Variants in MORC1 observed in about 807,000 individuals in gnomAD.
MORC1 encodes the protein MORC family CW-type zinc finger protein 1.
Under a neutral mutation model 134.9 loss-of-function variants are expected in MORC1, and 59 were observed. The observed-to-expected ratio is 0.44, with a 90% CI of 0.35 to 0.54. The LOEUF is 0.54. MORC1 is among the 20% of genes least tolerant of loss of function. The pLI, the probability that MORC1 is intolerant of heterozygous loss-of-function variation, is 0.00. For missense variants in MORC1, 947 were observed against 1,134.5 expected (o/e 0.83, Z 2.37); for synonymous variants, 395 against 391.7 (o/e 1.01, Z -0.10).
At chr3:109,072,950 CACACACACACACACAT>C (rs1419970579) in intron 8 of MORC1, among the ~76,000 whole-genome samples, 6 of 57,266 alleles carry the variant, frequency 1.0e-4, no homozygotes, top group Admixed American at 5.0e-4. Flanking sequence ...CACACACACA[CACACACACACACACAT>C]ACACACACAC....
At chr3:109,057,879 T>C (rs1205613114) in intron 12 of MORC1, among the ~76,000 whole-genome samples, 1 of 152,212 alleles carries the variant, frequency 6.6e-6, no homozygotes, top group Non-Finnish European at 1.5e-5. Flanking sequence ...CAGCATGTTC[T>C]CAAGTCTCCA....
chr3:109,073,938 A>C (rs1292643391), intron 8 of MORC1, among the ~76,000 whole-genome samples: 1 of 152,222 alleles, frequency 6.6e-6, no homozygotes. Flanking sequence ...TAAGCTACAC[A>C]AAGTAATGAA....
intron 14 of MORC1, among the ~76,000 whole-genome samples, chr3:109,037,349 CTCT>C (rs1481730057): frequency 6.6e-6 from 1 of 152,334 alleles, no homozygotes; most frequent in East Asian, 1.9e-4. Flanking sequence ...TCATCTCATA[CTCT>C]TCTTCTCTGT....
Position 109,027,853 on chromosome 3 carries a change from C to T in MORC1, c.1602G>A (p.Leu534=), listed in dbSNP as rs759965517. 4.3e-6 allele frequency: 7 copies of T among 1,613,584 alleles called. 1 individual carries two copies. The South Asian group carries it at 5.5e-5, about 13-fold the overall frequency. Residue 534 remains leucine (L), a synonymous_variant, in exon 17 of 28, where the codon CTG becomes CTA. Transcript: ENST00000232603. ...ATGGTGATATTGTGCTCATGGTGCC[C>T]AGTGGGATGGAAGGTAGACATTCTA... ...HQVECLPSIP[L]GTMSTISPSK...
In MORC1 at chr3:109,103,892, T is replaced by C; in HGVS notation, c.180A>G (p.Gly60=). 6.2e-7 allele frequency: 1 copy of C among 1,613,952 alleles called. No homozygotes were observed. The highest frequency in any genetic ancestry group is 8.5e-7 in the Non-Finnish European group (1 of 1,179,912). ...FSVDNEKLQG[G]FMLCFLDDGC... is the part of the protein sequence containing the mutation. ...CATCATCCAGGAAACACAACATGAA[T>C]CCCCCCTGCAGTTTTTCATTATCCA... The change falls in exon 4 of 28, where the codon GGA becomes GGG. Residue 60 remains glycine, a synonymous_variant. Coordinates refer to ENST00000232603, the MANE Select transcript of MORC1 (RefSeq NM_014429.4).
chr3:109,034,053 C>T (rs1206378663), intron 15 of MORC1, among the ~76,000 whole-genome samples: 1 of 152,070 alleles, frequency 6.6e-6, no homozygotes, highest in Non-Finnish European at 1.5e-5. Context: ...CTCAATTATA[C>T]CTTCTAAGTA....
chr3:108,996,282 G>GCACACACA (rs71625232), intron 21 of MORC1, among the ~76,000 whole-genome samples: 1 of 48,708 alleles, frequency 2.1e-5, no homozygotes, highest in Admixed American at 1.6e-4. Flanking sequence ...GCGTGCGCGC[G>GCACACACA]CGCGCACACA....
intron 21 of MORC1, among the ~76,000 whole-genome samples, chr3:108,994,023 A>G (rs1948133779): frequency 6.6e-6 from 1 of 152,104 alleles, no homozygotes; most frequent in African/African-American, 2.4e-5. Flanking sequence ...TTCAGAGTGC[A>G]CTGATGCTTT....
chr3:109,116,243 A>G (rs1316143081), intron 1 of MORC1, among the ~76,000 whole-genome samples: 1 of 152,164 alleles, frequency 6.6e-6, no homozygotes, highest in African/African-American at 2.4e-5. Context: ...GCAGCTTTCC[A>G]GGAAAATGGA....
intron 15 of MORC1, 61 bp downstream of exon 15, chr3:109,035,279 A>G: frequency 6.9e-7 from 1 of 1,452,510 alleles, no homozygotes; most frequent in Non-Finnish European, 9.4e-7. Flanking sequence ...TTCTTAACAC[A>G]ATGACTTGCA....
intron 21 of MORC1, among the ~76,000 whole-genome samples, chr3:108,988,976 T>C (rs6796914): frequency 0.052 from 7,842 of 152,238 alleles, 464 homozygotes; most frequent in African/African-American, 0.14. Context: ...TTTCTTTTAT[T>C]TTCCTTTGCT....
At chr3:108,971,516 T>C (rs1430328271) in intron 24 of MORC1, 114 bp from the exon 25 acceptor site, 3 of 821,164 alleles carry the variant, frequency 3.7e-6, no homozygotes, top group South Asian at 1.7e-5. Flanking sequence ...AAGATGAACA[T>C]TAGTTCCCCC....
At chr3:109,043,289 A>G (rs1337144217) in intron 14 of MORC1, among the ~76,000 whole-genome samples, 1 of 152,100 alleles carries the variant, frequency 6.6e-6, no homozygotes, top group Admixed American at 6.5e-5. Context: ...ACATTATGCT[A>G]AGTGAAATAA....
chr3:109,106,746 A>G (rs1365199261), intron 3 of MORC1, among the ~76,000 whole-genome samples: 1 of 152,070 alleles, frequency 6.6e-6, no homozygotes, highest in Non-Finnish European at 1.5e-5. Flanking sequence ...CTCTATCCCC[A>G]GTATACTGCC....
chr3:109,094,072 C>A (rs1950781627), intron 7 of MORC1, among the ~76,000 whole-genome samples: 1 of 152,076 alleles, frequency 6.6e-6, no homozygotes, highest in African/African-American at 2.4e-5. Context: ...CACAATGTAG[C>A]TCTGCCACTG....
At chr3:109,088,637 T>C (rs1950659720) in intron 8 of MORC1, among the ~76,000 whole-genome samples, 1 of 152,100 alleles carries the variant, frequency 6.6e-6, no homozygotes, top group Non-Finnish European at 1.5e-5. Context: ...TCAACCATTG[T>C]GGAAAGTACT....
intron 24 of MORC1, among the ~76,000 whole-genome samples, chr3:108,973,702 TCCTC>T (rs1165270136): frequency 6.8e-6 from 1 of 147,512 alleles, no homozygotes; most frequent in African/African-American, 2.5e-5. Flanking sequence ...GCTCAAGTAA[TCCTC>T]CCAACTCACC....
At position 109,093,431 on chromosome 3, in the gene MORC1, C is replaced by T. The variant is rs775219689; in HGVS notation, c.689+5G>A. Reference sequence around the variant, plus strand: ...TGAAAAACATTCTGTCAAACACACACATACTCCTCCAGAGCTCCAGCCATC... The same window carrying T: ...TGAAAAACATTCTGTCAAACACACATATACTCCTCCAGAGCTCCAGCCATC... On this transcript the variant is annotated splice_donor_5th_base_variant and intron_variant, in intron 8 of 27. Transcript: ENST00000232603. 6.2e-7 allele frequency: 1 copy of T among 1,603,544 alleles called. No individual in the cohort carries two copies. The highest frequency in any genetic ancestry group is 1.1e-5 in the South Asian group (1 of 90,730).
At chr3:108,985,724 T>C (rs908689321) in intron 22 of MORC1, among the ~76,000 whole-genome samples, 1 of 152,188 alleles carries the variant, frequency 6.6e-6, no homozygotes, top group Admixed American at 6.5e-5. Flanking sequence ...AAACCTAGGA[T>C]GAGTATTTAA....
Sources: allele counts gnomAD v4.1 joint callset (sites outside exome capture counted in the v4.1 genomes callset), GRCh38; gene constraint gnomAD v4.1.1; transcripts MANE v1.5; gene names NCBI Gene and HGNC (gene_info 2026-07-23, HGNC 2026-07-21).